The following ARHGEF40 variants were observed in gnomAD, a reference collection of about 807,000 sequenced individuals.
ARHGEF40 encodes the protein Rho guanine nucleotide exchange factor 40.
Under a neutral mutation model 165.9 loss-of-function variants are expected in ARHGEF40, and 98 were observed. The ratio of observed to expected loss-of-function variants is 0.59; its 90% confidence interval spans 0.50 to 0.70. ARHGEF40 has a LOEUF of 0.70. Among genes scored for constraint, ARHGEF40 ranks in the 30% least tolerant of loss-of-function variants. The pLI, the probability that ARHGEF40 is intolerant of heterozygous loss-of-function variation, is 0.00. For missense variants in ARHGEF40, 1,815 were observed against 1,968.0 expected (o/e 0.92, Z 1.47); for synonymous variants, 792 against 814.3 (o/e 0.97, Z 0.47).
chr14:21,070,391 C>G lies in ARHGEF40; in HGVS notation c.-6C>G, dbSNP rs2139187121. 1.4e-6 allele frequency: 2 copies of G among 1,413,122 alleles called. No individual in the cohort carries two copies. Among genetic ancestry groups the G allele is most frequent in the African/African-American group, 3.0e-5 (2 of 66,168 alleles). The allele number at this position is 1,413,122 out of a possible 1,614,324, so 87.5% of individuals were successfully genotyped here. A position where few individuals can be genotyped will look rare whatever the true frequency, so the allele number is the denominator to read the frequency against. ...CCAAGCGTCGGACGCGGCCCGGCGC[C>G]GAGCCATGGTGAGTCCAGCGTCGCA... On this transcript the variant is annotated 5_prime_UTR_variant, in exon 1 of 24. Coordinates refer to ENST00000298694, the MANE Select transcript of ARHGEF40 (RefSeq NM_018071.5). This position sits in a 1 kb window ranked among gnomAD's most constrained non-coding sequence, Gnocchi z 4.7.
chr14:21,071,656 C>T (rs951242324), intron 1 of ARHGEF40, among the ~76,000 whole-genome samples: 1 of 151,994 alleles, frequency 6.6e-6, no homozygotes, highest in African/African-American at 2.4e-5. Flanking sequence ...GACTCTCGCT[C>T]AGCCATGAGC....
chr14:21,076,607 TCATGATGACCTTCCAACTGAACTCTG>T lies in ARHGEF40; in HGVS notation c.1882_1907del (p.His628TrpfsTer6). 6.2e-7 allele frequency: 1 copy of T among 1,614,228 alleles called. No homozygotes were observed. Among genetic ancestry groups the T allele is most frequent in the Non-Finnish European group, 8.5e-7 (1 of 1,180,050 alleles). ...TTGTTCAGCGGCTGCTGATTCTCAT[TCATGATGACCTTCCAACTGAACTCTG>T]TGGATTTCAGGTTTGAGCCCTTCAT... On this transcript the variant is annotated frameshift_variant, in exon 7 of 24. Transcript: ENST00000298694. LOFTEE classifies it high-confidence loss of function.
At position 21,075,813 on chromosome 14, in the gene ARHGEF40, A is replaced by C; in HGVS notation, c.1739+48A>C. 1 of 1,590,294 alleles carries C rather than the reference A, an allele frequency of 6.3e-7. No individual in the cohort carries two copies. The highest frequency in any genetic ancestry group is 8.6e-7 in the Non-Finnish European group (1 of 1,166,704). On this transcript the variant is annotated intron_variant, in intron 5 of 23. Transcript: ENST00000298694. The surrounding 1 kb of genome is among the most constrained non-coding windows in gnomAD (Gnocchi z 4.5). Reference sequence around the variant, plus strand: ...ACCCTGGACACTAACCTCCTGATTCATGAGGACCCTCACCTCCTTCTTCTC... The same window carrying C: ...ACCCTGGACACTAACCTCCTGATTCCTGAGGACCCTCACCTCCTTCTTCTC...
the ARHGEF40 span, among the ~76,000 whole-genome samples, chr14:21,064,535 C>T: frequency 6.6e-6 from 1 of 152,204 alleles, no homozygotes; most frequent in African/African-American, 2.4e-5. Flanking sequence ...CTCCTGACCT[C>T]AGGTGACCCG....
chr14:21,076,951 T>A, intron 8 of ARHGEF40, 61 bp downstream of exon 8: 1 of 1,435,764 alleles, frequency 7.0e-7, no homozygotes, highest in South Asian at 1.2e-5. Context: ...CTGAAGACAT[T>A]CTAGGAGAGA....
intron 10 of ARHGEF40, 119 bp from the exon 11 acceptor site, chr14:21,078,765 A>G: frequency 1.4e-6 from 2 of 1,425,898 alleles, no homozygotes; most frequent in Non-Finnish European, 1.9e-6. Flanking sequence ...GGTTCAGCCC[A>G]TGCTTTTGAT....
intron 11 of ARHGEF40, among the ~76,000 whole-genome samples, chr14:21,080,199 GACACACACAC>G (rs71112543): frequency 0.27 from 35,953 of 135,138 alleles, 4,923 homozygotes; most frequent in East Asian, 0.41. Context: ...ATTAAAGCCG[GACACACACAC>G]ACACACACAC....
rs372660750 is a variant in ARHGEF40 at position 21,074,649 on chromosome 14, G to A, written c.919G>A (p.Gly307Ser). ...GGGCCAGGATGGAGCACGCCCACCC[G>A]GCGAGGGGAGCAGCACCGGAGCCTC... ...PRGQDGARPP[G>S]EGSSTGASPE... The change falls in exon 3 of 24, where the codon GGC becomes AGC. Residue 307 changes from glycine (G) to serine (S), a missense_variant. Gly to Ser is a moderately conservative substitution (Grantham distance 56). Coordinates refer to ENST00000298694, the MANE Select transcript of ARHGEF40 (RefSeq NM_018071.5). This position sits in a 1 kb window ranked among gnomAD's most constrained non-coding sequence, Gnocchi z 4.8. The A allele has an allele frequency of 2.6e-4, 406 of 1,566,058 alleles. No homozygotes were observed. The highest frequency in any genetic ancestry group is 3.4e-4 in the Non-Finnish European group (389 of 1,157,084).
Position 21,070,441 on chromosome 14 carries a change from G to T in ARHGEF40, c.3+42G>T, listed in dbSNP as rs758108745. The T allele has an allele frequency of 3.7e-5, 51 of 1,370,498 alleles. No individual in the cohort carries two copies. In the Admixed American group the frequency reaches 8.9e-4, roughly 24 times the overall value. 84.9% of individuals were successfully genotyped at this position (1,370,498 alleles called of 1,614,324 possible). On this transcript the variant is annotated intron_variant, in intron 1 of 23. Transcript: ENST00000298694. This position sits in a 1 kb window ranked among gnomAD's most constrained non-coding sequence, Gnocchi z 4.7. ...AGCCCCCTGGGTCCCCTCGGCCTTC[G>T]CGCAGCCCGCTCCGGGCCCCCAAGT...
rs368053097 is a variant in ARHGEF40, at chr14:21,078,291, C to G, written c.2130+19C>G. Reference sequence around the variant, plus strand: ...GGAAGAGGTATGAAATGAGATGGGACAGTGGGGGGATGGGATTGGGATGGG... The same window carrying G: ...GGAAGAGGTATGAAATGAGATGGGAGAGTGGGGGGATGGGATTGGGATGGG... On this transcript the variant is annotated intron_variant, in intron 9 of 23. Transcript: ENST00000298694. The G allele has an allele frequency of 2.4e-5, 39 of 1,611,486 alleles. No homozygotes were observed. The highest frequency in any genetic ancestry group is 3.3e-5 in the Non-Finnish European group (39 of 1,178,714).
chr14:21,064,310 T>C, the ARHGEF40 span, among the ~76,000 whole-genome samples: 1 of 151,878 alleles, frequency 6.6e-6, no homozygotes, highest in Non-Finnish European at 1.5e-5. Context: ...TTTTTTTTTT[T>C]ATTATTTTTG....
chr14:21,068,039 G>C (rs868629222), upstream of ARHGEF40, among the ~76,000 whole-genome samples: 1 of 9,624 alleles, frequency 1.0e-4, no homozygotes, highest in African/African-American at 1.5e-4. Context: ...TCGCTCTGTC[G>C]CCCAGGCTGG....
Position 21,075,177 on chromosome 14 carries a change from G to C in ARHGEF40, c.1447G>C (p.Ala483Pro), listed in dbSNP as rs754465381. Residue 483 changes from alanine to proline, a missense_variant, in exon 3 of 24, where the codon GCA (alanine) becomes CCA (proline). Coordinates refer to ENST00000298694, the MANE Select transcript of ARHGEF40 (RefSeq NM_018071.5). This position sits in a 1 kb window ranked among gnomAD's most constrained non-coding sequence, Gnocchi z 4.5. ...GGAGGGGCCAGGCCTGCTGTGTATG[G>C]CAGGTGAGATGACACGGAGTGAGGC... ...ELEGPGLLCM[A>P]GHTGPEGPLS... 6.3e-7 allele frequency: 1 copy of C among 1,594,400 alleles called. No homozygotes were observed. The highest frequency in any genetic ancestry group is 1.1e-5 in the South Asian group (1 of 88,212).
At position 21,082,268 on chromosome 14, in the gene ARHGEF40, G is replaced by A. The variant is rs1887988443; in HGVS notation, c.3276G>A (p.Glu1092=). The A allele has an allele frequency of 6.2e-7, 1 of 1,611,690 alleles. No individual in the cohort carries two copies. The highest frequency in any genetic ancestry group is 1.1e-5 in the South Asian group (1 of 90,932). The part of the protein sequence containing the change: ...SISAQQRLVS[E]LIACEQDYVA... ...GTGCCCAGCAGCGGCTGGTGTCTGAGCTGATTGCCTGTGAACAAGATTACG... is the reference window on the plus strand; with the variant it reads ...GTGCCCAGCAGCGGCTGGTGTCTGAACTGATTGCCTGTGAACAAGATTACG... The change falls in exon 15 of 24, where the codon GAG becomes GAA. Residue 1092 remains glutamate, a synonymous_variant. Transcript: ENST00000298694.
rs1214069150 is a variant in ARHGEF40 at position 21,081,976 on chromosome 14, G to A, written c.3108G>A (p.Leu1036=). The A allele has an allele frequency of 1.9e-6, 3 of 1,593,686 alleles. No individual in the cohort carries two copies. In the South Asian group the frequency reaches 3.4e-5, roughly 18 times the overall value. The change falls in exon 14 of 24, where the codon CTG becomes CTA. Residue 1036 remains leucine, a synonymous_variant. Transcript: ENST00000298694. ...AGGGCAGGCCCCCAAGAGCTGTGCT[G>A]ATCCGAGGCCTGGAGGTCACCAGCA... The part of the protein sequence containing the change: ...EAEGRPPRAV[L]IRGLEVTSTE...
chr14:21,066,750 G>A (rs556202022), upstream of ARHGEF40, among the ~76,000 whole-genome samples: 56 of 152,334 alleles, frequency 3.7e-4, 1 homozygote, highest in Admixed American at 1.8e-3. Flanking sequence ...CAGGCAAGAT[G>A]CTGGTGGTAT....
chr14:21,076,510 C>G (rs757009809), intron 6 of ARHGEF40, 53 bp from the exon 7 acceptor site: 2 of 1,612,774 alleles, frequency 1.2e-6, no homozygotes, highest in Admixed American at 3.3e-5. Flanking sequence ...TCACCAGTGG[C>G]CAGTCCAGGA....
chr14:21,073,347 C>G lies in ARHGEF40; in HGVS notation c.201+105C>G, dbSNP rs1383307091. 7 of 1,247,454 alleles carry G rather than the reference C, an allele frequency of 5.6e-6. No individual in the cohort carries two copies. The African/African-American group carries it at 9.0e-5, about 16-fold the overall frequency. The allele number at this position is 1,247,454 out of a possible 1,614,324, so 77.3% of individuals were successfully genotyped here. On this transcript the variant is annotated intron_variant, in intron 2 of 23. Coordinates refer to ENST00000298694, the MANE Select transcript of ARHGEF40 (RefSeq NM_018071.5). This position sits in a 1 kb window ranked among gnomAD's most constrained non-coding sequence, Gnocchi z 4.6. ...CCCCACTAACCTAGAGATACAGCCT[C>G]CCTTGAAACCGATCTCTCCAGAATC...
At chr14:21,086,061 C>G in intron 19 of ARHGEF40, 195 bp downstream of exon 19, 1 of 714,026 alleles carries the variant, frequency 1.4e-6, no homozygotes, top group South Asian at 2.2e-5. Context: ...AAAGAGAAAG[C>G]TGGCAAATTT....
Sources: allele counts gnomAD v4.1 joint callset (sites outside exome capture counted in the v4.1 genomes callset), GRCh38; gene constraint gnomAD v4.1.1; non-coding constraint Gnocchi (gnomAD v3.1); transcripts MANE v1.5; gene names NCBI Gene and HGNC (gene_info 2026-07-23, HGNC 2026-07-21).